The following ADGRL3 variants were observed in gnomAD, a reference collection of about 807,000 sequenced individuals.
The protein encoded by ADGRL3 is calcium-independent alpha-latrotoxin receptor 3.
In ADGRL3, 62 loss-of-function variants were observed where a neutral mutation model predicts 153.5. The ratio of observed to expected loss-of-function variants is 0.40; its 90% CI spans 0.33 to 0.50. The LOEUF is 0.50. ADGRL3 is among the 20% of genes least tolerant of loss of function. The pLI, the probability that ADGRL3 is intolerant of heterozygous loss-of-function variation, is 0.47. For missense variants in ADGRL3, 1,641 were observed against 1,859.4 expected (o/e 0.88, Z 2.16); for synonymous variants, 710 against 672.5 (o/e 1.06, Z -0.86).
Position 62,075,414 on chromosome 4 carries a change from T to A in ADGRL3, c.*4506T>A, listed in dbSNP as rs1378742221. On this transcript the variant is annotated 3_prime_UTR_variant, in exon 27 of 27. Coordinates refer to ENST00000683033, the MANE Select transcript of ADGRL3 (RefSeq NM_001387552.1). ...AAGTATAATGCATGTCAATTCAGAT[T>A]TAGAGAGTGTAAAAAACAAAAACCC... 4 of 152,078 alleles carry A rather than the reference T, an allele frequency of 2.6e-5. No homozygotes were observed. The highest frequency in any genetic ancestry group is 5.9e-5 in the Non-Finnish European group (4 of 68,018). The allele number at this position is 152,078 out of a possible 1,614,324, so 9.4% of individuals were successfully genotyped here.
chr4:61,284,485 A>G (rs1444977106), intron 1 of ADGRL3, among the ~76,000 whole-genome samples: 2 of 151,914 alleles, frequency 1.3e-5, no homozygotes, highest in African/African-American at 4.8e-5. Context: ...GGTACAGAAA[A>G]TTATATGACA....
intron 6 of ADGRL3, among the ~76,000 whole-genome samples, chr4:61,708,433 A>C (rs1282175392): frequency 2.6e-5 from 4 of 152,046 alleles, no homozygotes; most frequent in Admixed American, 2.0e-4. Context: ...ATGTTTTTAA[A>C]GGTACTTTAA....
At chr4:61,229,406 T>G (rs980198158) in intron 1 of ADGRL3, among the ~76,000 whole-genome samples, 2 of 152,204 alleles carry the variant, frequency 1.3e-5, no homozygotes, top group African/African-American at 4.8e-5. Context: ...TATCTGGACA[T>G]TATTAGCTTT....
intron 8 of ADGRL3, among the ~76,000 whole-genome samples, chr4:61,811,321 G>A (rs2097616130): frequency 6.6e-6 from 1 of 150,822 alleles, no homozygotes; most frequent in Non-Finnish European, 1.5e-5. Context: ...ACTGCTTTGT[G>A]TTACAACAAT....
chr4:61,782,312 T>C (rs953800554), intron 8 of ADGRL3, among the ~76,000 whole-genome samples: 1 of 152,202 alleles, frequency 6.6e-6, no homozygotes, highest in African/African-American at 2.4e-5. Context: ...GTATAAACAA[T>C]GAGCAGCTGT....
rs182958577 is a variant in ADGRL3 at position 61,774,123 on chromosome 4, G to A, written c.1400-39686G>A. 5.2e-3 allele frequency among the ~76,000 whole-genome samples: 793 copies of A among 152,186 alleles called. 10 individuals carry two copies. Among genetic ancestry groups the A allele is most frequent in the African/African-American group, 0.018 (749 of 41,532 alleles). ...TGTAATCCCAGCACTTTGGGGCTGAGGCAGGAGGATCACCTAAGGTCAGGA... is the reference window on the plus strand; with the variant it reads ...TGTAATCCCAGCACTTTGGGGCTGAAGCAGGAGGATCACCTAAGGTCAGGA... On this transcript the variant is annotated intron_variant, in intron 8 of 26. Transcript: ENST00000683033.
chr4:61,740,397 A>G (rs952760895), intron 8 of ADGRL3, among the ~76,000 whole-genome samples: 2 of 152,196 alleles, frequency 1.3e-5, no homozygotes, highest in African/African-American at 4.8e-5. Flanking sequence ...GGGGTCAGAT[A>G]GTTGCATCAC....
At chr4:61,989,938 CT>C in intron 19 of ADGRL3, among the ~76,000 whole-genome samples, 1 of 152,116 alleles carries the variant, frequency 6.6e-6, no homozygotes, top group East Asian at 1.9e-4. Context: ...TCATATATTG[CT>C]GGTGGCAGTG....
intron 1 of ADGRL3, among the ~76,000 whole-genome samples, chr4:61,281,033 T>C (rs2093700454): frequency 6.6e-6 from 1 of 152,078 alleles, no homozygotes; most frequent in Non-Finnish European, 1.5e-5. Flanking sequence ...CTTCAAGTAA[T>C]TTCTGGTATT....
At chr4:61,392,324 T>C (rs563922464) in intron 2 of ADGRL3, among the ~76,000 whole-genome samples, 1 of 152,214 alleles carries the variant, frequency 6.6e-6, no homozygotes, top group Admixed American at 6.5e-5. Flanking sequence ...GCTGTTTTAT[T>C]CTAATTAAAG....
chr4:61,718,991 G>A (rs187639128), intron 6 of ADGRL3, among the ~76,000 whole-genome samples: 195 of 152,286 alleles, frequency 1.3e-3, no homozygotes, highest in Middle Eastern at 3.4e-3. Context: ...TAAAGAATGA[G>A]AGGGAAAGCA....
At chr4:61,682,898 A>T (rs536722573) in intron 6 of ADGRL3, among the ~76,000 whole-genome samples, 1 of 152,240 alleles carries the variant, frequency 6.6e-6, no homozygotes, top group Non-Finnish European at 1.5e-5. Flanking sequence ...ATTAGGGGTC[A>T]AAAACCAAGA....
intron 1 of ADGRL3, among the ~76,000 whole-genome samples, chr4:61,205,477 T>A (rs1011064198): frequency 2.0e-5 from 3 of 152,228 alleles, no homozygotes; most frequent in African/African-American, 4.8e-5. Context: ...TTCTCTTTCC[T>A]AGATTTGCAT....
intron 1 of ADGRL3, among the ~76,000 whole-genome samples, chr4:61,370,748 G>A (rs1258295094): frequency 1.8e-4 from 27 of 152,012 alleles, no homozygotes; most frequent in East Asian, 1.4e-3. Context: ...TATTAGGTCC[G>A]CTTGGTGCAG....
At chr4:61,370,634 A>T (rs995146082) in intron 1 of ADGRL3, among the ~76,000 whole-genome samples, 45 of 151,738 alleles carry the variant, frequency 3.0e-4, no homozygotes, top group Non-Finnish European at 7.4e-5. Context: ...TTTGCTGAGG[A>T]GAGCTTTACT....
intron 1 of ADGRL3, among the ~76,000 whole-genome samples, chr4:61,263,451 A>T (rs1437760629): frequency 1.4e-5 from 2 of 145,704 alleles, no homozygotes; most frequent in African/African-American, 2.5e-5. Flanking sequence ...TCTTGCATAG[A>T]GTGCATTTGA....
intron 2 of ADGRL3, among the ~76,000 whole-genome samples, chr4:61,456,243 A>G (rs1372263817): frequency 6.6e-6 from 1 of 150,852 alleles, no homozygotes; most frequent in Non-Finnish European, 1.5e-5. Flanking sequence ...TATTCATAAA[A>G]TAATTTTCAT....
chr4:61,785,828 T>C (rs1311879113), intron 8 of ADGRL3, among the ~76,000 whole-genome samples: 1 of 152,190 alleles, frequency 6.6e-6, no homozygotes, highest in African/African-American at 2.4e-5. Context: ...TAATTTAATG[T>C]AACATTTCCA....
At chr4:61,918,875 C>A (rs1041839949) in intron 13 of ADGRL3, among the ~76,000 whole-genome samples, 4 of 152,168 alleles carry the variant, frequency 2.6e-5, no homozygotes. Context: ...TGCTATTGCA[C>A]CTTTGACAAA....
Sources: allele counts gnomAD v4.1 joint callset (sites outside exome capture counted in the v4.1 genomes callset), GRCh38; gene constraint gnomAD v4.1.1; transcripts MANE v1.5; gene names NCBI Gene and HGNC (gene_info 2026-07-23, HGNC 2026-07-21).